Variants in ELMO1 observed in about 807,000 individuals in gnomAD.
ELMO1 encodes engulfment and cell motility protein 1.
ELMO1 carries 26 observed loss-of-function variants against 98.9 expected under a neutral mutation model. The ratio of observed to expected loss-of-function variants is 0.26; its 90% CI spans 0.19 to 0.36. ELMO1 has a LOEUF of 0.36. Among genes scored for constraint, ELMO1 ranks in the 10% least tolerant of loss-of-function variants. The pLI is 1.00. For missense variants in ELMO1, 627 were observed against 935.2 expected (o/e 0.67, Z 4.30); for synonymous variants, 346 against 346.0 (o/e 1.00, Z 0.00).
At chr7:36,957,459 C>T (rs533390298) in intron 16 of ELMO1, among the ~76,000 whole-genome samples, 95 of 152,324 alleles carry the variant, frequency 6.2e-4, no homozygotes, top group African/African-American at 2.0e-3. Flanking sequence ...AATTCATTGA[C>T]GATTTTCTTA....
intron 4 of ELMO1, among the ~76,000 whole-genome samples, chr7:37,289,317 T>G (rs1797558336): frequency 6.6e-6 from 1 of 152,032 alleles, no homozygotes; most frequent in South Asian, 2.1e-4. Flanking sequence ...AGTCAACGAG[T>G]GGATATTTAT....
intron 14 of ELMO1, among the ~76,000 whole-genome samples, chr7:37,109,712 T>C (rs1166243834): frequency 1.3e-5 from 2 of 152,164 alleles, no homozygotes; most frequent in Non-Finnish European, 2.9e-5. Flanking sequence ...TGGTTAACAG[T>C]TCTGATTCCA....
intron 7 of ELMO1, among the ~76,000 whole-genome samples, chr7:37,237,775 G>A (rs1794557694): frequency 6.6e-6 from 1 of 152,130 alleles, no homozygotes; most frequent in African/African-American, 2.4e-5. Flanking sequence ...GGATTTATAA[G>A]TCATCCTATA....
intron 4 of ELMO1, among the ~76,000 whole-genome samples, chr7:37,299,152 T>A (rs1583492094): frequency 3.0e-5 from 1 of 32,994 alleles, no homozygotes; most frequent in African/African-American, 1.1e-4. Context: ...GATGGGGTTG[T>A]TTGTTTTTTT....
At chr7:37,106,298 G>C (rs558059976) in intron 14 of ELMO1, among the ~76,000 whole-genome samples, 2 of 152,130 alleles carry the variant, frequency 1.3e-5, no homozygotes, top group African/African-American at 4.8e-5. Context: ...TCTGGGAGGT[G>C]ATTAAGTCAT....
At chr7:37,400,557 T>A (rs750583735) in intron 1 of ELMO1, among the ~76,000 whole-genome samples, 1 of 152,206 alleles carries the variant, frequency 6.6e-6, no homozygotes, top group African/African-American at 2.4e-5. Context: ...TAATACTATA[T>A]CGTATATTAA....
At chr7:37,166,457 T>C (rs569345259) in intron 13 of ELMO1, among the ~76,000 whole-genome samples, 1 of 152,174 alleles carries the variant, frequency 6.6e-6, no homozygotes, top group African/African-American at 2.4e-5. Context: ...TCTTTCCTGC[T>C]TTCTCTTGTG....
chr7:37,003,688 G>T (rs765131006), intron 16 of ELMO1, among the ~76,000 whole-genome samples: 1 of 151,944 alleles, frequency 6.6e-6, no homozygotes, highest in Non-Finnish European at 1.5e-5. Flanking sequence ...ATATGAAGTT[G>T]AATATGCATG....
At chr7:37,227,053 C>A (rs1402387251) in intron 8 of ELMO1, among the ~76,000 whole-genome samples, 2 of 152,206 alleles carry the variant, frequency 1.3e-5, no homozygotes, top group Non-Finnish European at 2.9e-5. Context: ...TTATCAATCT[C>A]ATTGTCTTCC....
At chr7:36,930,113 T>G (rs1351949364) in intron 16 of ELMO1, among the ~76,000 whole-genome samples, 2 of 152,184 alleles carry the variant, frequency 1.3e-5, no homozygotes, top group Non-Finnish European at 2.9e-5. Context: ...GCTCATTGCC[T>G]ATATAAAATG....
chr7:37,176,059 G>A (rs1381587826), intron 13 of ELMO1, among the ~76,000 whole-genome samples: 3 of 152,188 alleles, frequency 2.0e-5, no homozygotes, highest in East Asian at 1.9e-4. Flanking sequence ...AGGAGATCGT[G>A]GCTGGTTCTA....
chr7:37,221,705 C>CTTTT (rs1554445835), intron 10 of ELMO1, among the ~76,000 whole-genome samples: 7 of 149,866 alleles, frequency 4.7e-5, no homozygotes, highest in Non-Finnish European at 7.4e-5. Context: ...CTTTTTTTTT[C>CTTTT]TTTTTTTTAA....
At chr7:37,407,960 G>GA (rs1803840927) in intron 1 of ELMO1, among the ~76,000 whole-genome samples, 1 of 151,824 alleles carries the variant, frequency 6.6e-6, no homozygotes, top group Admixed American at 6.6e-5. Flanking sequence ...ATTTCTCTTA[G>GA]AAAAAAATTG....
chr7:36,859,703 A>G (rs939914182), intron 21 of ELMO1, among the ~76,000 whole-genome samples: 3 of 152,228 alleles, frequency 2.0e-5, no homozygotes, highest in African/African-American at 7.2e-5. Flanking sequence ...TTTTAGAGTT[A>G]TATGAGGGTT....
chr7:37,167,139 T>C (rs559115849), intron 13 of ELMO1, among the ~76,000 whole-genome samples: 42 of 152,246 alleles, frequency 2.8e-4, no homozygotes, highest in African/African-American at 8.7e-4. Context: ...AAGTCTGTTT[T>C]ATCAGAGACT....
chr7:37,162,243 C>T (rs1329310527), intron 13 of ELMO1, among the ~76,000 whole-genome samples: 1 of 151,926 alleles, frequency 6.6e-6, no homozygotes, highest in Admixed American at 6.6e-5. Context: ...AGGAAACTAC[C>T]ACACACATGG....
chr7:37,432,144 G>C, intron 1 of ELMO1, among the ~76,000 whole-genome samples: 1 of 152,314 alleles, frequency 6.6e-6, no homozygotes, highest in South Asian at 2.1e-4. Flanking sequence ...GCCTCCCAAA[G>C]TGTCGGGATT....
chr7:37,242,485 T>C (rs1053185807), intron 7 of ELMO1, among the ~76,000 whole-genome samples: 1 of 152,220 alleles, frequency 6.6e-6, no homozygotes, highest in African/African-American at 2.4e-5. Context: ...AGGTCGTCTT[T>C]TCCTATTTCC....
intron 13 of ELMO1, among the ~76,000 whole-genome samples, chr7:37,192,824 GTGTATATA>G (rs2130183178): frequency 6.9e-6 from 1 of 144,824 alleles, no homozygotes; most frequent in Non-Finnish European, 1.5e-5. Flanking sequence ...ATGTGTGTGT[GTGTATATA>G]TGTATATATG....
Sources: allele counts gnomAD v4.1 joint callset (sites outside exome capture counted in the v4.1 genomes callset), GRCh38; gene constraint gnomAD v4.1.1; transcripts MANE v1.5; gene names NCBI Gene and HGNC (gene_info 2026-07-23, HGNC 2026-07-21).